The following INTS2 variants were observed in gnomAD, a reference collection of about 807,000 sequenced individuals.
The protein encoded by INTS2 is integrator complex subunit 2.
In INTS2, 57 loss-of-function variants were observed where a neutral mutation model predicts 139.6. That is an observed-to-expected ratio of 0.41 (90% CI 0.33 to 0.51). The LOEUF is 0.51. Ranked by LOEUF, INTS2 falls within the 20% of genes least tolerant of loss-of-function variation. The pLI is 0.28. For missense variants in INTS2, 1,196 were observed against 1,436.7 expected, an observed-to-expected ratio of 0.83 and a Z score of 2.71; for synonymous variants, 473 against 493.4, an observed-to-expected ratio of 0.96 and a Z score of 0.55.
chr17:61,914,516 G>A (rs572287646), intron 5 of INTS2, among the ~76,000 whole-genome samples: 11 of 151,950 alleles, frequency 7.2e-5, no homozygotes, highest in South Asian at 4.2e-4. Flanking sequence ...TGGCTAACAC[G>A]GTGAAACCGT....
intron 15 of INTS2, among the ~76,000 whole-genome samples, chr17:61,887,258 G>A (rs2079238070): frequency 6.6e-6 from 1 of 152,098 alleles, no homozygotes; most frequent in Admixed American, 6.6e-5. Context: ...CAAGGTGGGT[G>A]GATGACTTGA....
chr17:61,904,528 A>C lies in INTS2; in HGVS notation c.1239T>G (p.Ala413=), dbSNP rs1352781638. The C allele has an allele frequency of 6.2e-7, 1 of 1,612,394 alleles. No homozygotes were observed. The highest frequency in any genetic ancestry group is 8.5e-7 in the Non-Finnish European group (1 of 1,178,946). Residue 413 remains alanine (A), a synonymous_variant, in exon 9 of 25, where the codon GCT becomes GCG. Coordinates refer to ENST00000251334, the MANE Select transcript of INTS2 (RefSeq NM_001351695.2). ...LLQLMTSRPP[A]TPAGVRFVSL... is the part of the protein sequence containing the mutation. ...AAACAAAGCGAACCCCAGCTGGCGTAGCAGGAGGACGGCTCGTCATCAACT... is the reference window on the plus strand; with the variant it reads ...AAACAAAGCGAACCCCAGCTGGCGTCGCAGGAGGACGGCTCGTCATCAACT...
chr17:61,923,331 GC>G (rs1432786708), intron 3 of INTS2, among the ~76,000 whole-genome samples: 1 of 149,604 alleles, frequency 6.7e-6, no homozygotes. Flanking sequence ...CAAAAGATTA[GC>G]CAGGCATGGT....
At chr17:61,887,851 G>A (rs1046766449) in intron 15 of INTS2, among the ~76,000 whole-genome samples, 5 of 151,700 alleles carry the variant, frequency 3.3e-5, no homozygotes, top group Non-Finnish European at 7.4e-5. Context: ...TCAGGAGTTC[G>A]AGACCAGCCT....
Position 61,871,660 on chromosome 17 carries a change from G to T in INTS2, c.2778+605C>A, listed in dbSNP as rs189370575. Among the ~76,000 whole-genome samples the T allele has an allele frequency of 6.6e-6, 1 of 152,210 alleles. No individual in the cohort carries two copies. Among genetic ancestry groups the T allele is most frequent in the East Asian group, 1.9e-4 (1 of 5,154 alleles). On this transcript the variant is annotated intron_variant, in intron 20 of 24. Transcript: ENST00000251334. The surrounding 1 kb of genome is among the most constrained non-coding windows in gnomAD (Gnocchi z 4.9). ...AAATATTGGTTGAATGAGGCCGGGTGCCGTGGCTCATGCCTGTAATCCCAG... is the reference window on the plus strand; with the variant it reads ...AAATATTGGTTGAATGAGGCCGGGTTCCGTGGCTCATGCCTGTAATCCCAG...
intron 9 of INTS2, among the ~76,000 whole-genome samples, chr17:61,901,236 T>C (rs978462857): frequency 2.2e-4 from 33 of 151,756 alleles, no homozygotes; most frequent in African/African-American, 8.0e-4. Flanking sequence ...ACCACTGAGT[T>C]TGCCCCGAGC....
rs183932223 is a variant in INTS2, at chr17:61,867,948, A to G, written c.3306T>C (p.Phe1102=). ...FMPTLPSLVS[F]CRAFPPLYED... ...CATACAATGGAGGAAATGCTCGACAAAAAGAGACCAAACTTGGCAGAGTTG... is the reference window on the plus strand; with the variant it reads ...CATACAATGGAGGAAATGCTCGACAGAAAGAGACCAAACTTGGCAGAGTTG... Residue 1102 remains phenylalanine, a synonymous_variant, in exon 24 of 25, where the codon TTT becomes TTC. Coordinates refer to ENST00000251334, the MANE Select transcript of INTS2 (RefSeq NM_001351695.2). This position sits in a 1 kb window ranked among gnomAD's most constrained non-coding sequence, Gnocchi z 5.6. 3.8e-5 allele frequency: 62 copies of G among 1,612,446 alleles called. No homozygotes were observed. The African/African-American group carries it at 5.9e-4, about 15-fold the overall frequency.
intron 9 of INTS2, among the ~76,000 whole-genome samples, chr17:61,903,043 T>C (rs1325610095): frequency 3.3e-5 from 5 of 150,586 alleles, no homozygotes; most frequent in African/African-American, 7.3e-5. Context: ...CAGGCTCCTG[T>C]AGTCCCAGCT....
At position 61,926,663 on chromosome 17, in the gene INTS2, CT is replaced by C. The variant is rs2079718210; in HGVS notation, c.-18-2del. 6.3e-7 allele frequency: 1 copy of C among 1,593,594 alleles called. No homozygotes were observed. Among genetic ancestry groups the C allele is most frequent in the African/African-American group, 1.3e-5 (1 of 74,628 alleles). On this transcript the variant is annotated splice_acceptor_variant, in intron 1 of 24. Coordinates refer to ENST00000251334, the MANE Select transcript of INTS2 (RefSeq NM_001351695.2). LOFTEE classifies it low-confidence loss of function (5UTR_SPLICE). The stretch of plus-strand genomic sequence containing the variant: ...CAGTCATTATTACTGTTTGTTGATC[CT>C]AATGGTAAAAATACAAATGAAAGTA...
chr17:61,889,093 T>C (rs1184229647), intron 15 of INTS2, among the ~76,000 whole-genome samples: 1 of 147,008 alleles, frequency 6.8e-6, no homozygotes, highest in Non-Finnish European at 1.5e-5. Flanking sequence ...CTCTTCTACT[T>C]TTTTTTTTTT....
chr17:61,894,679 C>G (rs2079329355), intron 12 of INTS2, among the ~76,000 whole-genome samples: 1 of 151,982 alleles, frequency 6.6e-6, no homozygotes, highest in Non-Finnish European at 1.5e-5. Flanking sequence ...TGGTAAAACC[C>G]CATCTCTACT....
intron 3 of INTS2, among the ~76,000 whole-genome samples, chr17:61,922,242 G>A (rs539405608): frequency 6.6e-6 from 1 of 152,150 alleles, no homozygotes; most frequent in South Asian, 2.1e-4. Flanking sequence ...AGGCCAAGAT[G>A]GGTGGATCAA....
chr17:61,878,931 C>CG (rs1555621233), intron 17 of INTS2, among the ~76,000 whole-genome samples: 1 of 46,656 alleles, frequency 2.1e-5, no homozygotes, highest in Non-Finnish European at 3.5e-5. Flanking sequence ...ACCCTGTCTC[C>CG]AAAAAAAAAA....
In INTS2 at chr17:61,897,433, C is replaced by T; in HGVS notation, c.1494+36G>A. 16 of 990,130 alleles carry T rather than the reference C, an allele frequency of 1.6e-5. No homozygotes were observed. The highest frequency in any genetic ancestry group is 5.2e-5 in the African/African-American group (3 of 57,980). The allele number at this position is 990,130 out of a possible 1,614,324, so 61.3% of individuals were successfully genotyped here. A position where few individuals can be genotyped will look rare whatever the true frequency, so the allele number is the denominator to read the frequency against. ...AACAAAATGTCCAGCTTAGAAACAC[C>T]TTTTTTTTTTTAGAAAGAAGTTAAA... On this transcript the variant is annotated intron_variant, in intron 11 of 24. Transcript: ENST00000251334. This position sits in a 1 kb window ranked among gnomAD's most constrained non-coding sequence, Gnocchi z 4.4.
chr17:61,889,443 T>G (rs55760831), intron 15 of INTS2, among the ~76,000 whole-genome samples: 18,834 of 152,110 alleles, frequency 0.12, 3,880 homozygotes, highest in African/African-American at 0.43. Flanking sequence ...GGAAGACCGG[T>G]CAAAGACTCA....
rs1010011684 is a variant in INTS2 at position 61,869,528 on chromosome 17, C to G, written c.3031-148G>C. 6.1e-6 allele frequency: 5 copies of G among 814,986 alleles called. No homozygotes were observed. In the African/African-American group the frequency reaches 7.0e-5, roughly 11 times the overall value. 50.5% of individuals were successfully genotyped at this position (814,986 alleles called of 1,614,324 possible). On this transcript the variant is annotated intron_variant, in intron 21 of 24. Transcript: ENST00000251334. The surrounding 1 kb of genome is among the most constrained non-coding windows in gnomAD (Gnocchi z 5.4). The stretch of plus-strand genomic sequence containing the variant: ...ATATGTAACCTGGCATTTCACTTTT[C>G]TGATGCACTAGAATAGAGATTAAAC...
Position 61,889,901 on chromosome 17 carries a change from G to T in INTS2, c.1876-7C>A, listed in dbSNP as rs537508849. ...TAAGGCGGATGTTGTCACCCTGGAGGTAATATTACAAATACTCTGAAATAC... is the reference window on the plus strand; with the variant it reads ...TAAGGCGGATGTTGTCACCCTGGAGTTAATATTACAAATACTCTGAAATAC... On this transcript the variant is annotated splice_region_variant and splice_polypyrimidine_tract_variant and intron_variant, in intron 14 of 24. Coordinates refer to ENST00000251334, the MANE Select transcript of INTS2 (RefSeq NM_001351695.2). 12 of 1,561,758 alleles carry T rather than the reference G, an allele frequency of 7.7e-6. No individual in the cohort carries two copies. In the African/African-American group the frequency reaches 1.4e-4, roughly 18 times the overall value.
intron 15 of INTS2, among the ~76,000 whole-genome samples, chr17:61,886,640 A>C (rs1393708536): frequency 6.6e-6 from 1 of 152,188 alleles, no homozygotes; most frequent in Non-Finnish European, 1.5e-5. Flanking sequence ...GCCAGTCAAT[A>C]GTATCTTTCT....
intron 1 of INTS2, 138 bp downstream of exon 1, chr17:61,927,516 G>C (rs892317918): frequency 1.4e-5 from 5 of 348,762 alleles, no homozygotes; most frequent in Non-Finnish European, 1.7e-5. Context: ...TGGAGCAGAG[G>C]AGCCAAGACC....
Sources: allele counts gnomAD v4.1 joint callset (sites outside exome capture counted in the v4.1 genomes callset), GRCh38; gene constraint gnomAD v4.1.1; non-coding constraint Gnocchi (gnomAD v3.1); transcripts MANE v1.5; gene names NCBI Gene and HGNC (gene_info 2026-07-23, HGNC 2026-07-21).